Variants in HOXD3 observed in about 807,000 individuals in gnomAD.
HOXD3 encodes homeobox protein Hox-D3.
In HOXD3, 13 loss-of-function variants were observed where a neutral mutation model predicts 32.8. That is an observed-to-expected ratio of 0.40 (90% CI 0.26 to 0.63). The LOEUF is 0.63. Ranked by LOEUF, HOXD3 falls within the 20% of genes least tolerant of loss-of-function variation. HOXD3 has a pLI of 0.44. For missense variants in HOXD3, 504 were observed against 577.1 expected (o/e 0.87, Z 1.30); for synonymous variants, 241 against 246.8 (o/e 0.98, Z 0.22).
At chr2:176,158,388 AT>A (rs1225497625) in intron 1 of HOXD3, among the ~76,000 whole-genome samples, 4 of 152,194 alleles carry the variant, frequency 2.6e-5, no homozygotes, top group African/African-American at 9.7e-5. Flanking sequence ...GTTCCACCCC[AT>A]CCCCAGCTTG....
At position 176,172,435 on chromosome 2, in the gene HOXD3, C is replaced by T; in HGVS notation, c.*161C>T. ...CTCCAGCGGCGGAGGCGCAGGCGAC[C>T]GGGCCTCCCCTCCATGGGCGTCCTT... On this transcript the variant is annotated 3_prime_UTR_variant, in exon 4 of 4. Coordinates refer to ENST00000683222, the MANE Select transcript of HOXD3 (RefSeq NM_006898.5). 1.6e-6 allele frequency: 1 copy of T among 641,734 alleles called. No homozygotes were observed. The allele number at this position is 641,734 out of a possible 1,614,324, so 39.8% of individuals were successfully genotyped here. A position where few individuals can be genotyped will look rare whatever the true frequency, so the allele number is the denominator to read the frequency against.
intron 2 of HOXD3, among the ~76,000 whole-genome samples, chr2:176,166,196 T>C (rs568095620): frequency 2.0e-5 from 3 of 152,310 alleles, no homozygotes; most frequent in Admixed American, 6.5e-5. Flanking sequence ...AGATGCCCAA[T>C]GTTTGTACTT....
intron 1 of HOXD3, among the ~76,000 whole-genome samples, chr2:176,158,134 C>G (rs1328475492): frequency 1.3e-5 from 2 of 152,256 alleles, no homozygotes; most frequent in African/African-American, 4.8e-5. Context: ...CGAGTTTCTT[C>G]TTCTTTCCCG....
intron 2 of HOXD3, among the ~76,000 whole-genome samples, chr2:176,166,891 C>T (rs1189983155): frequency 6.6e-6 from 1 of 152,148 alleles, no homozygotes; most frequent in Non-Finnish European, 1.5e-5. Context: ...ACTAGTGAAT[C>T]ATTCTGGTAC....
chr2:176,156,815 T>G (rs1690654153), upstream of HOXD3, among the ~76,000 whole-genome samples: 1 of 152,142 alleles, frequency 6.6e-6, no homozygotes, highest in Admixed American at 6.5e-5. Flanking sequence ...AGACAGGAAA[T>G]GAGCAGAATG....
In HOXD3 at chr2:176,169,091, C is replaced by T. The variant is rs763960376; in HGVS notation, c.-24C>T. The T allele has an allele frequency of 6.4e-7, 1 of 1,573,748 alleles. No homozygotes were observed. Among genetic ancestry groups the T allele is most frequent in the Non-Finnish European group, 8.6e-7 (1 of 1,157,536 alleles). On this transcript the variant is annotated 5_prime_UTR_variant, in exon 3 of 4. Coordinates refer to ENST00000683222, the MANE Select transcript of HOXD3 (RefSeq NM_006898.5). ...AGGATTCAGCAGACATTGGAGGTGG[C>T]AGTGAAGGATACAGTGGTAGTCAAT... is the stretch of plus-strand genomic sequence containing the variant.
chr2:176,159,139 C>T (rs946045795), intron 1 of HOXD3, among the ~76,000 whole-genome samples: 1 of 152,290 alleles, frequency 6.6e-6, no homozygotes, highest in East Asian at 1.9e-4. Context: ...AGACAAATTC[C>T]CGCAAAGCAG....
chr2:176,171,938 C>T lies in HOXD3; in HGVS notation c.963C>T (p.Ser321=), dbSNP rs992973490. The T allele has an allele frequency of 6.2e-7, 1 of 1,610,390 alleles. No homozygotes were observed. The highest frequency in any genetic ancestry group is 8.5e-7 in the Non-Finnish European group (1 of 1,179,248). Residue 321 remains serine (S), a synonymous_variant, in exon 4 of 4, where the codon AGC becomes AGT. Transcript: ENST00000683222. The part of the protein sequence containing the change: ...GLAAYTAPLS[S]CLPQQKRYAA... ...CCGCCTACACGGCGCCACTCAGCAG[C>T]TGCCTGCCACAACAGAAGCGCTACG...
intron 1 of HOXD3, among the ~76,000 whole-genome samples, chr2:176,161,603 G>A (rs1360391470): frequency 6.6e-6 from 1 of 151,316 alleles, no homozygotes; most frequent in Non-Finnish European, 1.5e-5. Flanking sequence ...GCATTGTTCC[G>A]GTAGCGAGCT....
chr2:176,153,447 G>A (rs1367353052), upstream of HOXD3, among the ~76,000 whole-genome samples: 1 of 152,150 alleles, frequency 6.6e-6, no homozygotes, highest in African/African-American at 2.4e-5. Flanking sequence ...GGAATTTCAT[G>A]TGATTAAAAA....
At chr2:176,170,881 A>G (rs1179851064) in intron 3 of HOXD3, among the ~76,000 whole-genome samples, 1 of 140,056 alleles carries the variant, frequency 7.1e-6, no homozygotes, top group Non-Finnish European at 1.5e-5. Context: ...TGGACTCCCT[A>G]AAATACCCAG....
chr2:176,167,223 TTCA>T (rs1393694056), intron 2 of HOXD3, among the ~76,000 whole-genome samples: 1 of 152,182 alleles, frequency 6.6e-6, no homozygotes, highest in African/African-American at 2.4e-5. Context: ...TCTGGGTCCA[TTCA>T]TCATGTCATG....
intron 1 of HOXD3, among the ~76,000 whole-genome samples, chr2:176,158,385 C>T (rs574417950): frequency 6.6e-6 from 1 of 152,194 alleles, no homozygotes; most frequent in African/African-American, 2.4e-5. Context: ...TCCGTTCCAC[C>T]CCATCCCCAG....
intron 1 of HOXD3, among the ~76,000 whole-genome samples, chr2:176,163,641 G>A (rs180714339): frequency 2.0e-5 from 3 of 152,156 alleles, no homozygotes; most frequent in Non-Finnish European, 4.4e-5. Context: ...CTTTCCTGGT[G>A]CCCTTTTCTG....
chr2:176,154,701 G>A (rs990689924), upstream of HOXD3, among the ~76,000 whole-genome samples: 1 of 152,216 alleles, frequency 6.6e-6, no homozygotes, highest in African/African-American at 2.4e-5. Context: ...CTTCTCTGAA[G>A]TGTCTTCCAA....
At chr2:176,165,874 C>G in intron 2 of HOXD3, among the ~76,000 whole-genome samples, 1 of 152,066 alleles carries the variant, frequency 6.6e-6, no homozygotes, top group East Asian at 1.9e-4. Context: ...GAACAGTTGA[C>G]CATTGTCCAA....
upstream of HOXD3, chr2:176,152,954 C>CA: frequency 1.2e-5 from 20 of 1,612,270 alleles, no homozygotes; most frequent in Non-Finnish European, 1.6e-5. This position sits in a 1 kb window ranked among gnomAD's most constrained non-coding sequence, Gnocchi z 5.2. Context: ...AGTGGGGACC[C>CA]TGGGCCCATC....
At chr2:176,152,925 G>A, upstream of HOXD3, 1 of 1,614,166 alleles carries the variant, frequency 6.2e-7, no homozygotes, top group Non-Finnish European at 8.5e-7. This position sits in a 1 kb window ranked among gnomAD's most constrained non-coding sequence, Gnocchi z 5.2. Context: ...CCACCACACG[G>A]ACCTGACGAC....
In HOXD3 at chr2:176,171,603, G is replaced by T; in HGVS notation, c.628G>T (p.Glu210Ter). The T allele has an allele frequency of 6.2e-7, 1 of 1,614,180 alleles. No individual in the cohort carries two copies. The highest frequency in any genetic ancestry group is 8.5e-7 in the Non-Finnish European group (1 of 1,180,018). The change falls in exon 4 of 4, where the codon GAA (glutamate) becomes TAA (stop). Residue 210 changes from glutamate to a stop codon, truncating the protein, a stop_gained. Coordinates refer to ENST00000683222, the MANE Select transcript of HOXD3 (RefSeq NM_006898.5). LOFTEE classifies it high-confidence loss of function. ...AYTSAQLVEL[E>*]KEFHFNRYLC... ...CACGAGCGCGCAGCTGGTGGAATTG[G>T]AAAAGGAATTCCACTTCAACCGCTA...
Sources: gnomAD v4.1 joint callset for allele counts (sites outside exome capture counted in the v4.1 genomes callset) on GRCh38, gnomAD v4.1.1 for gene constraint, Gnocchi (gnomAD v3.1) non-coding constraint, MANE v1.5 for transcripts, NCBI Gene and HGNC (gene_info 2026-07-23, HGNC 2026-07-21) for gene names.